Variants in STX3 observed in about 807,000 individuals in gnomAD.
The protein encoded by STX3 is syntaxin 3, also known as syntaxin-3.
STX3 carries 19 observed loss-of-function variants against 40.2 expected under a neutral mutation model. That is an observed-to-expected ratio of 0.47 (90% CI 0.33 to 0.69). The LOEUF (loss-of-function observed/expected upper bound fraction) is 0.69. STX3 is among the 30% of genes least tolerant of loss of function. The pLI, the probability that STX3 is intolerant of heterozygous loss-of-function variation, is 0.02. For synonymous variants in STX3, 122 were observed against 132.2 expected, an observed-to-expected ratio of 0.92 and a Z score of 0.53; for missense variants, 364 against 366.7, an observed-to-expected ratio of 0.99 and a Z score of 0.06.
chr11:59,771,409 CCCCCG>C (rs1863633501), intron 1 of STX3, among the ~76,000 whole-genome samples: 1 of 127,244 alleles, frequency 7.9e-6, no homozygotes, highest in African/African-American at 3.3e-5. Flanking sequence ...CACCTCCCCC[CCCCCG>C]CCCGCCCACA....
Position 59,766,596 on chromosome 11 carries a change from A to C in STX3, c.31-6615A>C, listed in dbSNP as rs565084414. 3.3e-5 allele frequency among the ~76,000 whole-genome samples: 5 copies of C among 152,310 alleles called. No individual in the cohort carries two copies. In the South Asian group the frequency reaches 1.0e-3, roughly 32 times the overall value. On this transcript the variant is annotated intron_variant, in intron 1 of 10. Coordinates refer to ENST00000337979, the MANE Select transcript of STX3 (RefSeq NM_004177.5). ...TCCGCAAATCTGCACTGGAAAGCCA[A>C]GCCCCTCCTTAATTGATGAGAAAGG...
intron 1 of STX3, among the ~76,000 whole-genome samples, chr11:59,765,944 G>A (rs959938340): frequency 6.6e-5 from 10 of 152,228 alleles, no homozygotes; most frequent in African/African-American, 2.2e-4. Context: ...TTGGAGAAGA[G>A]AAGGTGCAAG....
chr11:59,792,036 G>C (rs1471402901), intron 5 of STX3, 71 bp from the exon 6 acceptor site: 1 of 1,202,106 alleles, frequency 8.3e-7, no homozygotes, highest in East Asian at 2.4e-5. Context: ...ATGGCTATGT[G>C]GGGGTGGGGA....
Position 59,805,731 on chromosome 11 carries a change from C to T in STX3, c.*4907C>T, listed in dbSNP as rs1278579196. On this transcript the variant is annotated 3_prime_UTR_variant, in exon 11 of 11. Transcript: ENST00000337979. ...CTCTCCCTCTTGGAGAATTTCAGACCCAGAAAAGGCCACGCAGTTCTAACT... is the reference window on the plus strand; with the variant it reads ...CTCTCCCTCTTGGAGAATTTCAGACTCAGAAAAGGCCACGCAGTTCTAACT... 1 of 152,494 alleles carries T rather than the reference C, an allele frequency of 6.6e-6. No homozygotes were observed. Among genetic ancestry groups the T allele is most frequent in the African/African-American group, 2.4e-5 (1 of 41,420 alleles). 9.4% of individuals were successfully genotyped at this position (152,494 alleles called of 1,614,324 possible).
chr11:59,777,455 G>A lies in STX3; in HGVS notation c.114+4161G>A, dbSNP rs182569447. On this transcript the variant is annotated intron_variant, in intron 2 of 10. Transcript: ENST00000337979. The stretch of plus-strand genomic sequence containing the variant: ...GAGTGTGTTTTAGAAAATTCACTCC[G>A]ATGGCAGTTTGTGGAGGGTGCGAAA... Among the ~76,000 whole-genome samples, 11 of 152,278 alleles carry A rather than the reference G, an allele frequency of 7.2e-5. No homozygotes were observed. The East Asian group carries it at 1.9e-3, about 27-fold the overall frequency.
chr11:59,772,056 T>G (rs75766227), intron 1 of STX3, among the ~76,000 whole-genome samples: 3,670 of 152,302 alleles, frequency 0.024, 95 homozygotes, highest in Admixed American at 0.07. Flanking sequence ...ACTTCTGCCG[T>G]GGATTCAGGG....
At chr11:59,757,024 C>T (rs1205126896) in intron 1 of STX3, among the ~76,000 whole-genome samples, 3 of 152,190 alleles carry the variant, frequency 2.0e-5, no homozygotes, top group Admixed American at 2.0e-4. Flanking sequence ...AGCAAAGGGA[C>T]AGTTGCCTAT....
At chr11:59,796,565 G>T (rs1865528797) in intron 9 of STX3, among the ~76,000 whole-genome samples, 1 of 152,152 alleles carries the variant, frequency 6.6e-6, no homozygotes, top group Admixed American at 6.5e-5. Context: ...AGTGTACTGG[G>T]TCTGACAGGT....
At position 59,776,430 on chromosome 11, in the gene STX3, T is replaced by G. The variant is rs529276402; in HGVS notation, c.114+3136T>G. Among the ~76,000 whole-genome samples the G allele has an allele frequency of 5.9e-5, 9 of 152,316 alleles. No individual in the cohort carries two copies. The East Asian group carries it at 1.3e-3, about 23-fold the overall frequency. On this transcript the variant is annotated intron_variant, in intron 2 of 10. Transcript: ENST00000337979. Reference sequence around the variant, plus strand: ...TTATGAATAAGTAGACCACAAAGTTTATTTTATAGAATGTGGTGTAGATAT... The same window carrying G: ...TTATGAATAAGTAGACCACAAAGTTGATTTTATAGAATGTGGTGTAGATAT...
chr11:59,793,414 G>A lies in STX3; in HGVS notation c.575G>A (p.Ser192Asn). 5.0e-6 allele frequency: 8 copies of A among 1,614,174 alleles called. No individual in the cohort carries two copies. The highest frequency in any genetic ancestry group is 6.8e-6 in the Non-Finnish European group (8 of 1,180,028). Residue 192 changes from serine (S) to asparagine (N), a missense_variant, in exon 8 of 11, where the codon AGT becomes AAT. Ser to Asn is a conservative substitution (Grantham distance 46). Coordinates refer to ENST00000337979, the MANE Select transcript of STX3 (RefSeq NM_004177.5). ...IDSQISKQALSEIEGRHKDIV... is the reference protein window; with the variant it reads ...IDSQISKQALNEIEGRHKDIV... ...TCACAGATTTCCAAGCAAGCCCTCA[G>A]TGAGATTGAGGGACGACACAAGGAC...
At position 59,795,091 on chromosome 11, in the gene STX3, ATATT is replaced by A. The variant is rs1371122300; in HGVS notation, c.676-277_676-274del. Among the ~76,000 whole-genome samples the A allele has an allele frequency of 1.5e-4, 23 of 152,342 alleles. No individual in the cohort carries two copies. In the South Asian group the frequency reaches 4.1e-3, roughly 27 times the overall value. ...AGGTTGTCTGGGGATATCTCAGAGT[ATATT>A]TATAGGTAGTTACTAGGTATCTAGA... On this transcript the variant is annotated intron_variant, in intron 8 of 10. Coordinates refer to ENST00000337979, the MANE Select transcript of STX3 (RefSeq NM_004177.5).
intron 1 of STX3, among the ~76,000 whole-genome samples, chr11:59,758,125 G>A (rs1193167122): frequency 6.6e-6 from 1 of 152,052 alleles, no homozygotes; most frequent in Admixed American, 6.5e-5. Flanking sequence ...CTTTGTTCTG[G>A]GTAGATACAA....
chr11:59,773,417 G>C, intron 2 of STX3, 123 bp downstream of exon 2: 1 of 813,976 alleles, frequency 1.2e-6, no homozygotes, highest in Non-Finnish European at 2.0e-6. Context: ...TGCTAGGGTG[G>C]GATGGCCAGA....
intron 10 of STX3, among the ~76,000 whole-genome samples, chr11:59,799,090 A>G (rs572746021): frequency 2.0e-5 from 3 of 151,536 alleles, no homozygotes; most frequent in South Asian, 2.1e-4. Flanking sequence ...GAGTTTTGCC[A>G]TGTCACCCAG....
In STX3 at chr11:59,788,960, C is replaced by A. The variant is rs749027528; in HGVS notation, c.289+13C>A. 18 of 1,602,682 alleles carry A rather than the reference C, an allele frequency of 1.1e-5. No homozygotes were observed. Among genetic ancestry groups the A allele is most frequent in the Non-Finnish European group, 1.4e-5 (17 of 1,173,828 alleles). On this transcript the variant is annotated intron_variant, in intron 4 of 10. Transcript: ENST00000337979. ...AACAAACTGAAGAGTAAGAAGGGAA[C>A]AAAGAAAACAAGGCCGTCCCCACCA...
At chr11:59,772,156 G>A (rs749575401) in intron 1 of STX3, among the ~76,000 whole-genome samples, 2 of 152,234 alleles carry the variant, frequency 1.3e-5, no homozygotes, top group African/African-American at 4.8e-5. Flanking sequence ...CTTGGACTTA[G>A]AGGGTCAGAG....
At chr11:59,761,969 A>G (rs1160876998) in intron 1 of STX3, among the ~76,000 whole-genome samples, 2 of 152,156 alleles carry the variant, frequency 1.3e-5, no homozygotes, top group Admixed American at 6.5e-5. Context: ...AGCAAAACTA[A>G]GAGACTTATA....
At chr11:59,778,602 A>G (rs975723953) in intron 2 of STX3, among the ~76,000 whole-genome samples, 3 of 152,238 alleles carry the variant, frequency 2.0e-5, no homozygotes, top group Non-Finnish European at 4.4e-5. Context: ...GCGTTGTCAC[A>G]GATGGCAGTG....
chr11:59,792,045 G>C, intron 5 of STX3, 62 bp from the exon 6 acceptor site: 1 of 1,302,616 alleles, frequency 7.7e-7, no homozygotes, highest in Non-Finnish European at 1.1e-6. Flanking sequence ...TGGGGGTGGG[G>C]AGGGGTTCTA....
Sources: allele counts gnomAD v4.1 joint callset (sites outside exome capture counted in the v4.1 genomes callset), GRCh38; gene constraint gnomAD v4.1.1; transcripts MANE v1.5; gene names NCBI Gene and HGNC (gene_info 2026-07-23, HGNC 2026-07-21).